GRID2: variants seen among roughly 807,000 people sequenced by gnomAD.
The protein encoded by GRID2 is glutamate ionotropic receptor delta type subunit 2.
A neutral mutation model predicts 114.8 loss-of-function variants in GRID2; 33 were observed. That is an observed-to-expected ratio of 0.29 (90% confidence interval 0.22 to 0.38). The LOEUF (loss-of-function observed/expected upper bound fraction) is 0.38, where lower values mean the gene tolerates loss of function less well. Among genes scored for constraint, GRID2 ranks in the 10% least tolerant of loss-of-function variants. The pLI, the probability that GRID2 is intolerant of heterozygous loss-of-function variation, is 1.00. For synonymous variants in GRID2, 505 were observed against 449.9 expected, an observed-to-expected ratio of 1.12 and a Z score of -1.55; for missense variants, 1,184 against 1,257.7, an observed-to-expected ratio of 0.94 and a Z score of 0.89.
intron 13 of GRID2, among the ~76,000 whole-genome samples, chr4:93,619,850 A>G (rs1301144415): frequency 6.6e-6 from 1 of 152,220 alleles, no homozygotes; most frequent in Non-Finnish European, 1.5e-5. Flanking sequence ...CGTAAACTAC[A>G]TAGCATTATA....
chr4:93,350,602 C>A (rs1760706793), intron 8 of GRID2, among the ~76,000 whole-genome samples: 1 of 151,836 alleles, frequency 6.6e-6, no homozygotes, highest in African/African-American at 2.4e-5. Flanking sequence ...TCCCTCCCTG[C>A]CTGTTTGAGT....
Position 93,626,363 on chromosome 4 carries a change from A to G in GRID2, c.2288A>G (p.Asn763Ser), listed in dbSNP as rs767202504. ...GATTGTTCCTTTTACACCATTGGAA[A>G]TACTGTTGCTGATCGGGGATATGGA... ...DPDCSFYTIG[N>S]TVADRGYGIA... Residue 763 changes from asparagine to serine, a missense_variant, in exon 14 of 16, where the codon AAT becomes AGT. This residue lies in a region of GRID2 where 717 missense variants were observed against 796.9 expected (regional missense o/e 0.90). Transcript: ENST00000282020. 3 of 1,609,102 alleles carry G rather than the reference A, an allele frequency of 1.9e-6. No homozygotes were observed. The African/African-American group carries it at 4.0e-5, about 22-fold the overall frequency.
intron 2 of GRID2, among the ~76,000 whole-genome samples, chr4:92,943,368 C>G (rs898202994): frequency 6.6e-6 from 1 of 152,148 alleles, no homozygotes; most frequent in African/African-American, 2.4e-5. Context: ...CAGTTGATCG[C>G]GTCGGCTACT....
chr4:93,234,324 T>C (rs1028703449), intron 7 of GRID2, among the ~76,000 whole-genome samples: 3 of 152,036 alleles, frequency 2.0e-5, no homozygotes, highest in African/African-American at 7.2e-5. Flanking sequence ...ATTCTCTATA[T>C]ATAATATGTT....
At chr4:93,572,901 A>G (rs1016473068) in intron 13 of GRID2, among the ~76,000 whole-genome samples, 1 of 152,082 alleles carries the variant, frequency 6.6e-6, no homozygotes, top group Non-Finnish European at 1.5e-5. Context: ...GGTCTGTATT[A>G]TTGTACATAT....
intron 14 of GRID2, among the ~76,000 whole-genome samples, chr4:93,698,160 T>C (rs1326575800): frequency 1.3e-5 from 2 of 151,958 alleles, no homozygotes; most frequent in Non-Finnish European, 2.9e-5. Context: ...TTTGGATCAT[T>C]TTTTCTCTCC....
At chr4:92,639,157 T>G (rs1731224243) in intron 2 of GRID2, among the ~76,000 whole-genome samples, 1 of 151,720 alleles carries the variant, frequency 6.6e-6, no homozygotes, top group Admixed American at 6.6e-5. Flanking sequence ...AAGACTTTAT[T>G]TGTTATACTT....
At chr4:92,790,219 TA>T (rs1250708456) in intron 2 of GRID2, among the ~76,000 whole-genome samples, 5 of 151,892 alleles carry the variant, frequency 3.3e-5, no homozygotes, top group South Asian at 4.1e-4. Context: ...TATATGTATA[TA>T]TTTTTTTACA....
chr4:92,392,846 C>T (rs995448222), intron 1 of GRID2, among the ~76,000 whole-genome samples: 20 of 152,058 alleles, frequency 1.3e-4, no homozygotes, highest in African/African-American at 4.1e-4. Context: ...TTACTGAAAA[C>T]GGTGTGTTTT....
At chr4:92,610,394 A>G (rs1320071085) in intron 2 of GRID2, among the ~76,000 whole-genome samples, 1 of 151,620 alleles carries the variant, frequency 6.6e-6, no homozygotes, top group Non-Finnish European at 1.5e-5. Flanking sequence ...ATATTGTTCC[A>G]CTTTTAACCC....
At chr4:92,967,445 A>C in intron 2 of GRID2, among the ~76,000 whole-genome samples, 1 of 151,746 alleles carries the variant, frequency 6.6e-6, no homozygotes, top group East Asian at 1.9e-4. Context: ...CTTGTTTATT[A>C]TTCATTTGTT....
chr4:92,907,267 C>T (rs1269238712), intron 2 of GRID2, among the ~76,000 whole-genome samples: 1 of 152,052 alleles, frequency 6.6e-6, no homozygotes, highest in Non-Finnish European at 1.5e-5. Flanking sequence ...TATAAGTGTG[C>T]ATATTCATTG....
At chr4:93,362,579 C>T (rs983408002) in intron 8 of GRID2, among the ~76,000 whole-genome samples, 2 of 152,002 alleles carry the variant, frequency 1.3e-5, no homozygotes, top group Non-Finnish European at 2.9e-5. Context: ...AGCTTTGCTT[C>T]CCCTTCCATA....
intron 1 of GRID2, among the ~76,000 whole-genome samples, chr4:92,495,159 A>T (rs575766221): frequency 6.6e-6 from 1 of 152,128 alleles, no homozygotes; most frequent in African/African-American, 2.4e-5. Flanking sequence ...GAGAGTGTCT[A>T]GATCAAAGAA....
chr4:93,349,970 C>T (rs1319446593), intron 8 of GRID2, among the ~76,000 whole-genome samples: 1 of 151,966 alleles, frequency 6.6e-6, no homozygotes, highest in Non-Finnish European at 1.5e-5. Flanking sequence ...AGTTGATATT[C>T]ATAATCTGAT....
Position 93,092,153 on chromosome 4 carries a change from C to A in GRID2, c.529+6874C>A, listed in dbSNP as rs1008001063. Among the ~76,000 whole-genome samples, 52 of 152,100 alleles carry A rather than the reference C, an allele frequency of 3.4e-4. 1 individual carries two copies. The highest frequency in any genetic ancestry group is 1.2e-3 in the African/African-American group (51 of 41,434). On this transcript the variant is annotated intron_variant, in intron 3 of 15. Transcript: ENST00000282020. Reference sequence around the variant, plus strand: ...GAGATTGTTTCAACACTCAACAACACTGGAAGTCTGTTGATGGTAGAGAGC... The same window carrying A: ...GAGATTGTTTCAACACTCAACAACAATGGAAGTCTGTTGATGGTAGAGAGC...
At chr4:93,570,608 C>G (rs1007876967) in intron 13 of GRID2, among the ~76,000 whole-genome samples, 1 of 152,128 alleles carries the variant, frequency 6.6e-6, no homozygotes, top group Non-Finnish European at 1.5e-5. Context: ...TTACCCTGAT[C>G]TAATCACTTA....
chr4:93,021,382 A>G (rs1227841975), intron 2 of GRID2, among the ~76,000 whole-genome samples: 2 of 150,390 alleles, frequency 1.3e-5, no homozygotes, highest in African/African-American at 4.8e-5. Flanking sequence ...TAAGAGATCT[A>G]TATTATAAAT....
At chr4:92,905,272 T>C (rs1747859495) in intron 2 of GRID2, among the ~76,000 whole-genome samples, 1 of 151,172 alleles carries the variant, frequency 6.6e-6, no homozygotes, top group Admixed American at 6.6e-5. Flanking sequence ...CTGAATTTTA[T>C]ATCCCATTGA....
Sources: allele counts gnomAD v4.1 joint callset (sites outside exome capture counted in the v4.1 genomes callset), GRCh38; gene constraint gnomAD v4.1.1; regional missense constraint gnomAD v4.1.1; transcripts MANE v1.5; gene names NCBI Gene and HGNC (gene_info 2026-07-23, HGNC 2026-07-21).